The following MCM4 variants were observed in gnomAD, a reference collection of about 807,000 sequenced individuals.
MCM4 encodes minichromosome maintenance complex component 4.
MCM4 carries 60 observed loss-of-function variants against 88.7 expected under a neutral mutation model. The ratio of observed to expected loss-of-function variants is 0.68; its 90% confidence interval spans 0.55 to 0.84. The LOEUF is 0.84. MCM4 is among the 40% of genes least tolerant of loss of function. MCM4 has a pLI of 0.00. For synonymous variants in MCM4, 465 were observed against 410.5 expected (o/e 1.13, Z -1.61); for missense variants, 1,149 against 1,105.5 (o/e 1.04, Z -0.56).
At chr8:47,973,309 T>C (rs17287711) in intron 14 of MCM4, among the ~76,000 whole-genome samples, 4,384 of 152,054 alleles carry the variant, frequency 0.029, 218 homozygotes, top group African/African-American at 0.099. Context: ...CCCTATTAGC[T>C]GGGATTACAG....
At chr8:47,973,714 T>G (rs941172927) in intron 14 of MCM4, 2 of 152,088 alleles carry the variant, frequency 1.3e-5, no homozygotes, top group African/African-American at 4.8e-5. Flanking sequence ...GGTCTCGATC[T>G]CCTGACCTCG....
Position 47,976,825 on chromosome 8 carries a change from G to A in MCM4, c.*47G>A, listed in dbSNP as rs377300189. ...TCCCTGCATGTCCTGCTTGCTGCACGCCACATGGGTGTGGTCTGCATCTCA... is the reference window on the plus strand; with the variant it reads ...TCCCTGCATGTCCTGCTTGCTGCACACCACATGGGTGTGGTCTGCATCTCA... On this transcript the variant is annotated 3_prime_UTR_variant, in exon 17 of 17. Transcript: ENST00000649973. The A allele has an allele frequency of 2.7e-5, 32 of 1,203,148 alleles. No homozygotes were observed. The highest frequency in any genetic ancestry group is 1.9e-4 in the South Asian group (16 of 82,584). 74.5% of individuals were successfully genotyped at this position (1,203,148 alleles called of 1,614,324 possible).
Position 47,966,297 on chromosome 8 carries a change from G to C in MCM4, c.943G>C (p.Val315Leu). Reference protein sequence around the residue: ...QCQVCAHTTRVEMDRGRIAEP... With the variant: ...QCQVCAHTTRLEMDRGRIAEP... ...CCAAGTGTGTGCCCACACGACCCGG[G>C]TGGAGATGGACCGCGGCCGCATTGC... The change falls in exon 9 of 17, where the codon GTG becomes CTG. Residue 315 changes from valine (V) to leucine (L), a missense_variant. By Grantham distance (32) the Val-to-Leu change is conservative. Coordinates refer to ENST00000649973, the MANE Select transcript of MCM4 (RefSeq NM_182746.3). The C allele has an allele frequency of 6.2e-7, 1 of 1,614,082 alleles. No individual in the cohort carries two copies. Among genetic ancestry groups the C allele is most frequent in the South Asian group, 1.1e-5 (1 of 91,086 alleles).
rs372892421 is a variant in MCM4 at position 47,966,309 on chromosome 8, C to T, written c.955C>T (p.Arg319Cys). 38 of 1,613,908 alleles carry T rather than the reference C, an allele frequency of 2.4e-5. No homozygotes were observed. Among genetic ancestry groups the T allele is most frequent in the East Asian group, 6.7e-5 (3 of 44,890 alleles). The part of the protein sequence containing the change: ...CAHTTRVEMD[R>C]GRIAEPSVCG... ...CCACACGACCCGGGTGGAGATGGAC[C>T]GCGGCCGCATTGCAGAGCCCAGTGT... Residue 319 changes from arginine (R) to cysteine (C), a missense_variant, in exon 9 of 17, where the codon CGC becomes TGC. Physicochemically the swap from Arg to Cys is radical, Grantham distance 180. Transcript: ENST00000649973.
At chr8:47,965,832 G>A (rs1224138359) in intron 8 of MCM4, among the ~76,000 whole-genome samples, 2 of 152,154 alleles carry the variant, frequency 1.3e-5, no homozygotes, top group African/African-American at 4.8e-5. Context: ...TTCTATAGGG[G>A]ACACAAAATG....
At chr8:47,962,029 A>T in intron 3 of MCM4, 24 bp from the exon 4 acceptor site, 1 of 1,612,168 alleles carries the variant, frequency 6.2e-7, no homozygotes, top group South Asian at 1.1e-5. Flanking sequence ...ATGCCACCAG[A>T]ATTTCCTAAT....
intron 10 of MCM4, 93 bp downstream of exon 10, chr8:47,967,578 G>A: frequency 6.7e-7 from 1 of 1,491,136 alleles, no homozygotes; most frequent in Non-Finnish European, 9.3e-7. Context: ...CACAGGTCCA[G>A]TTCTACCTCC....
At chr8:47,964,768 T>C in intron 8 of MCM4, 56 bp downstream of exon 8, 1 of 1,401,920 alleles carries the variant, frequency 7.1e-7, no homozygotes, top group Middle Eastern at 1.9e-4. Flanking sequence ...TACATGAAAA[T>C]AGCCTTGTTT....
At chr8:47,964,521 A>T in intron 7 of MCM4, 53 bp from the exon 8 acceptor site, 1 of 1,410,002 alleles carries the variant, frequency 7.1e-7, no homozygotes, top group Non-Finnish European at 9.6e-7. Flanking sequence ...TGCCTTTATT[A>T]TATTTAACAC....
rs777218500 is a variant in MCM4, at chr8:47,962,855, G to A, written c.593G>A (p.Gly198Glu). 6.2e-7 allele frequency: 1 copy of A among 1,600,566 alleles called. No individual in the cohort carries two copies. The highest frequency in any genetic ancestry group is 8.5e-7 in the Non-Finnish European group (1 of 1,174,660). Residue 198 changes from glycine (G) to glutamate (E), a missense_variant, in exon 6 of 17, where the codon GGG (glycine) becomes GAG (glutamate). Gly to Glu is a moderately conservative substitution (Grantham distance 98). Coordinates refer to ENST00000649973, the MANE Select transcript of MCM4 (RefSeq NM_182746.3). Reference protein sequence around the residue: ...ITEPLYMQRLGEINVIGEPFL... With the variant: ...ITEPLYMQRLEEINVIGEPFL... ...GAACCTCTATACATGCAACGACTTG[G>A]GGAGGTAATCAAATACTCTTTAAAT...
intron 9 of MCM4, 81 bp downstream of exon 9, chr8:47,966,488 C>A: frequency 7.4e-7 from 1 of 1,352,754 alleles, no homozygotes; most frequent in Non-Finnish European, 1.0e-6. Flanking sequence ...GTCCCTCGGA[C>A]CCTGAGCCTC....
chr8:47,967,916 A>T (rs1427057998), intron 10 of MCM4, among the ~76,000 whole-genome samples: 1 of 152,232 alleles, frequency 6.6e-6, no homozygotes, highest in Non-Finnish European at 1.5e-5. Flanking sequence ...TCCCAAATGT[A>T]TAGCCAAGGG....
At chr8:47,976,567 A>G (rs1428104412) in intron 16 of MCM4, 119 bp from the exon 17 acceptor site, 2 of 663,268 alleles carry the variant, frequency 3.0e-6, no homozygotes, top group East Asian at 3.1e-5. Flanking sequence ...AGGCATGTGT[A>G]CAGCCACCAA....
Position 47,969,870 on chromosome 8 carries a change from TTGA to T in MCM4, c.1250_1252del (p.Asp417del). On this transcript the variant is annotated inframe_deletion, in exon 11 of 17. Transcript: ENST00000649973. The stretch of plus-strand genomic sequence containing the variant: ...GTGAAGTCTGTCTACAAAACCCACA[TTGA>T]TGTCATTCATTATCGGAAAACGGAT... The T allele has an allele frequency of 1.2e-6, 2 of 1,614,210 alleles. No homozygotes were observed. The highest frequency in any genetic ancestry group is 1.7e-6 in the Non-Finnish European group (2 of 1,180,028).
chr8:47,969,195 CT>C (rs2090928242), intron 10 of MCM4: 1 of 154,242 alleles, frequency 6.5e-6, no homozygotes, highest in East Asian at 1.9e-4. Context: ...GTCCTCGGGT[CT>C]ATCATTTGCA....
At chr8:47,968,249 G>A (rs2090918526) in intron 10 of MCM4, among the ~76,000 whole-genome samples, 1 of 152,148 alleles carries the variant, frequency 6.6e-6, no homozygotes, top group Admixed American at 6.6e-5. Context: ...GGAGGGCCTG[G>A]GGCACACCAC....
chr8:47,977,700 C>G lies in MCM4; in HGVS notation c.*922C>G, dbSNP rs550498249. On this transcript the variant is annotated 3_prime_UTR_variant, in exon 17 of 17. Coordinates refer to ENST00000649973, the MANE Select transcript of MCM4 (RefSeq NM_182746.3). ...AGCGATATGCCTAGGCTCAAGCGATCTGCCCACCTCAACTTCCGGAAGTGC... is the reference window on the plus strand; with the variant it reads ...AGCGATATGCCTAGGCTCAAGCGATGTGCCCACCTCAACTTCCGGAAGTGC... The G allele has an allele frequency of 6.6e-6, 1 of 152,194 alleles. No individual in the cohort carries two copies. Among genetic ancestry groups the G allele is most frequent in the Non-Finnish European group, 1.5e-5 (1 of 68,038 alleles). The allele number at this position is 152,194 out of a possible 1,614,324, so 9.4% of individuals were successfully genotyped here. A position where few individuals can be genotyped will look rare whatever the true frequency, so the allele number is the denominator to read the frequency against.
rs1359453201 is a variant in MCM4 at position 47,974,919 on chromosome 8, T to C, written c.2322T>C (p.Thr774=). The change falls in exon 15 of 17, where the codon ACT becomes ACC. Residue 774 remains threonine (T), a synonymous_variant. Coordinates refer to ENST00000649973, the MANE Select transcript of MCM4 (RefSeq NM_182746.3). Reference sequence around the variant, plus strand: ...GGGAAGCTCTGAAGCAGTCTGCAACTGATCCCCGGACTGGCATCGTGGACA... The same window carrying C: ...GGGAAGCTCTGAAGCAGTCTGCAACCGATCCCCGGACTGGCATCGTGGACA... The part of the protein sequence containing the change: ...LHREALKQSA[T]DPRTGIVDIS... 5 of 1,614,230 alleles carry C rather than the reference T, an allele frequency of 3.1e-6. No homozygotes were observed. Among genetic ancestry groups the C allele is most frequent in the Non-Finnish European group, 4.2e-6 (5 of 1,180,028 alleles).
At chr8:47,966,127 G>A in intron 8 of MCM4, 60 bp from the exon 9 acceptor site, 1 of 1,408,286 alleles carries the variant, frequency 7.1e-7, no homozygotes, top group African/African-American at 1.4e-5. Flanking sequence ...TGTGATCCCA[G>A]CTATTCCTGG....
Sources: gnomAD v4.1 joint callset for allele counts (sites outside exome capture counted in the v4.1 genomes callset) on GRCh38, gnomAD v4.1.1 for gene constraint, MANE v1.5 for transcripts, NCBI Gene and HGNC (gene_info 2026-07-23, HGNC 2026-07-21) for gene names.